The following CEP250 variants were observed in gnomAD, a reference collection of about 807,000 sequenced individuals.
CEP250 encodes the protein centrosome-associated protein CEP250.
CEP250 carries 242 observed loss-of-function variants against 315.7 expected under a neutral mutation model. That is an observed-to-expected ratio of 0.77 (90% CI 0.69 to 0.85). The LOEUF is 0.85. CEP250 is among the 40% of genes least tolerant of loss of function. The pLI is 0.00. For synonymous variants in CEP250, 1,088 were observed against 1,175.0 expected, an observed-to-expected ratio of 0.93 and a Z score of 1.51; for missense variants, 2,515 against 2,886.4, an observed-to-expected ratio of 0.87 and a Z score of 2.95.
intron 13 of CEP250, 130 bp from the exon 14 acceptor site, chr20:35,473,740 G>A: frequency 1.9e-6 from 2 of 1,047,910 alleles, no homozygotes; most frequent in Non-Finnish European, 1.4e-6. Flanking sequence ...TCTTTGTGAT[G>A]ATAAAAAAGT....
chr20:35,511,443 T>C lies in CEP250; in HGVS notation c.7146T>C (p.Arg2382=), dbSNP rs2064356833. ...DYITRSAQTS[R]ELAGLHHSLS... ...TCACCCGCTCAGCACAGACCAGCCGTGAGCTAGCAGGCCTGCACCACAGCC... is the reference window on the plus strand; with the variant it reads ...TCACCCGCTCAGCACAGACCAGCCGCGAGCTAGCAGGCCTGCACCACAGCC... The change falls in exon 35 of 35, where the codon CGT becomes CGC. Residue 2382 remains arginine, a synonymous_variant. Transcript: ENST00000397527. 1 of 1,613,802 alleles carries C rather than the reference T, an allele frequency of 6.2e-7. No individual in the cohort carries two copies. The highest frequency in any genetic ancestry group is 8.5e-7 in the Non-Finnish European group (1 of 1,180,006).
At chr20:35,509,960 A>G (rs1197210688) in intron 33 of CEP250, 38 bp from the exon 34 acceptor site, 1 of 1,593,282 alleles carries the variant, frequency 6.3e-7, no homozygotes, top group South Asian at 1.1e-5. Flanking sequence ...CAGAGTGGGA[A>G]GGCCTATGCC....
In CEP250 at chr20:35,518,970, T is replaced by G. The variant is rs1601340554; in HGVS notation, c.*7344T>G. On this transcript the variant is annotated 3_prime_UTR_variant, in exon 35 of 35. Coordinates refer to ENST00000397527, the MANE Select transcript of CEP250 (RefSeq NM_007186.6). ...ATTGCTTGAACCCAGGAGGCAGAGGTTGCAGTGAGCTGAGATCGCGTCACT... is the reference window on the plus strand; with the variant it reads ...ATTGCTTGAACCCAGGAGGCAGAGGGTGCAGTGAGCTGAGATCGCGTCACT... 6.6e-6 allele frequency: 1 copy of G among 151,536 alleles called. No homozygotes were observed. Among genetic ancestry groups the G allele is most frequent in the Non-Finnish European group, 1.5e-5 (1 of 67,940 alleles). The allele number at this position is 151,536 out of a possible 1,614,324, so 9.4% of individuals were successfully genotyped here.
intron 20 of CEP250, among the ~76,000 whole-genome samples, chr20:35,481,570 A>G (rs1187214186): frequency 6.7e-6 from 1 of 149,184 alleles, no homozygotes; most frequent in Non-Finnish European, 1.5e-5. Context: ...ACGAATTGAT[A>G]CCTTTTCTGT....
At chr20:35,493,719 T>C (rs575551169) in intron 23 of CEP250, 147 bp downstream of exon 23, 71 of 541,700 alleles carry the variant, frequency 1.3e-4, no homozygotes, top group Non-Finnish European at 1.8e-4. Context: ...AGTGGAAAAT[T>C]AGAGGGTGCT....
chr20:35,504,313 C>G lies in CEP250; in HGVS notation c.5944C>G (p.Gln1982Glu). The G allele has an allele frequency of 6.3e-7, 1 of 1,589,572 alleles. No individual in the cohort carries two copies. Among genetic ancestry groups the G allele is most frequent in the Non-Finnish European group, 8.6e-7 (1 of 1,168,284 alleles). Reference protein sequence around the residue: ...KAHAALQGKEQHLLEQAELSR... With the variant: ...KAHAALQGKEEHLLEQAELSR... Reference sequence around the variant, plus strand: ...TCATGCTGCCCTGCAGGGGAAAGAGCAGCATCTCCTCGAGCAGGCAGAATT... The same window carrying G: ...TCATGCTGCCCTGCAGGGGAAAGAGGAGCATCTCCTCGAGCAGGCAGAATT... The change falls in exon 30 of 35, where the codon CAG becomes GAG. Residue 1982 changes from glutamine to glutamate, a missense_variant. Transcript: ENST00000397527.
At position 35,504,053 on chromosome 20, in the gene CEP250, A is replaced by T; in HGVS notation, c.5684A>T (p.Glu1895Val). ...GAGGTGCTGGGAGACCTAAGGGCTG[A>T]GTCTCGGGAACAGGAGAAAGCTCTG... Reference protein sequence around the residue: ...LEEVLGDLRAESREQEKALLA... With the variant: ...LEEVLGDLRAVSREQEKALLA... Residue 1895 changes from glutamate (E) to valine (V), a missense_variant, in exon 30 of 35, where the codon GAG becomes GTG. By Grantham distance (121) the Glu-to-Val change is moderately radical (BLOSUM62 -2). Coordinates refer to ENST00000397527, the MANE Select transcript of CEP250 (RefSeq NM_007186.6). 1 of 1,606,292 alleles carries T rather than the reference A, an allele frequency of 6.2e-7. No homozygotes were observed. The highest frequency in any genetic ancestry group is 8.5e-7 in the Non-Finnish European group (1 of 1,175,612).
chr20:35,473,617 A>G, intron 13 of CEP250, 65 bp downstream of exon 13: 1 of 1,469,688 alleles, frequency 6.8e-7, no homozygotes, highest in Non-Finnish European at 9.1e-7. Flanking sequence ...CCATCCAGCC[A>G]TTTACCCACT....
upstream of CEP250, chr20:35,455,356 G>C (rs543460238): frequency 3.9e-5 from 6 of 152,404 alleles, no homozygotes; most frequent in South Asian, 1.2e-3. Flanking sequence ...CTTGTTACCC[G>C]GGAGGAACCC....
chr20:35,500,637 C>T (rs986844147), intron 28 of CEP250, among the ~76,000 whole-genome samples: 2 of 152,214 alleles, frequency 1.3e-5, no homozygotes, highest in African/African-American at 4.8e-5. Flanking sequence ...GCTTGAACTC[C>T]TGGCCTCAAG....
rs1196298776 is a variant in CEP250 at position 35,517,456 on chromosome 20, C to T, written c.*5830C>T. On this transcript the variant is annotated 3_prime_UTR_variant, in exon 35 of 35. Coordinates refer to ENST00000397527, the MANE Select transcript of CEP250 (RefSeq NM_007186.6). Reference sequence around the variant, plus strand: ...GGAGGCAGGGAGAGAAAAGCAAGAGCTTTTTGGTTCCTCTTGAGGATAGAA... The same window carrying T: ...GGAGGCAGGGAGAGAAAAGCAAGAGTTTTTTGGTTCCTCTTGAGGATAGAA... The T allele has an allele frequency of 6.6e-6, 1 of 152,174 alleles. No homozygotes were observed. The highest frequency in any genetic ancestry group is 1.5e-5 in the Non-Finnish European group (1 of 68,044). The allele number at this position is 152,174 out of a possible 1,614,324, so 9.4% of individuals were successfully genotyped here.
At chr20:35,491,444 T>C (rs1016154061) in intron 22 of CEP250, 98 bp downstream of exon 22, 3 of 1,297,958 alleles carry the variant, frequency 2.3e-6, no homozygotes, top group African/African-American at 2.9e-5. Flanking sequence ...CCAGGCCCTG[T>C]GCTAGGTGCT....
intron 25 of CEP250, 33 bp from the exon 26 acceptor site, chr20:35,497,686 C>G (rs2147105697): frequency 6.8e-7 from 1 of 1,469,070 alleles, no homozygotes; most frequent in East Asian, 2.5e-5. Context: ...TATCCGCTTC[C>G]TGCTTATATT....
intron 20 of CEP250, among the ~76,000 whole-genome samples, chr20:35,488,338 G>A (rs1345416626): frequency 6.6e-6 from 1 of 152,100 alleles, no homozygotes; most frequent in Non-Finnish European, 1.5e-5. Context: ...CGCTGTCTTT[G>A]GCTTTTTGAA....
intron 20 of CEP250, among the ~76,000 whole-genome samples, chr20:35,480,420 G>T (rs2063313522): frequency 6.6e-6 from 1 of 152,000 alleles, no homozygotes; most frequent in African/African-American, 2.4e-5. Flanking sequence ...TATTAAACTG[G>T]CCTCAGGATG....
At chr20:35,498,850 C>A in intron 27 of CEP250, 134 bp downstream of exon 27, 1 of 1,036,650 alleles carries the variant, frequency 9.6e-7, no homozygotes. Flanking sequence ...TCACTTACCA[C>A]CTGGCAACCA....
chr20:35,478,124 A>G (rs1403593925), intron 17 of CEP250, 23 bp downstream of exon 17: 5 of 1,477,628 alleles, frequency 3.4e-6, no homozygotes, highest in Middle Eastern at 1.7e-4. Context: ...AATGGACACC[A>G]TCATGTCTAG....
rs202070155 is a variant in CEP250 at position 35,473,562 on chromosome 20, C to T, written c.1388+10C>T. On this transcript the variant is annotated intron_variant, in intron 13 of 34. Transcript: ENST00000397527. ...TGGACTCTCTCAGCAAGTGAGCAGACGGGCTGTTCATCCCACCCTCCCAGC... is the reference window on the plus strand; with the variant it reads ...TGGACTCTCTCAGCAAGTGAGCAGATGGGCTGTTCATCCCACCCTCCCAGC... 28 of 1,601,142 alleles carry T rather than the reference C, an allele frequency of 1.7e-5. No homozygotes were observed. The highest frequency in any genetic ancestry group is 1.6e-4 in the African/African-American group (12 of 74,660).
In CEP250 at chr20:35,467,291, T is replaced by A; in HGVS notation, c.600-13T>A. ...TCCTAGTGGAGTCTGCTGTTTTCCT[T>A]GCTTGTACTCAGAGATCTGATGGAG... On this transcript the variant is annotated splice_polypyrimidine_tract_variant and intron_variant, in intron 8 of 34. Coordinates refer to ENST00000397527, the MANE Select transcript of CEP250 (RefSeq NM_007186.6). 1 of 1,608,460 alleles carries A rather than the reference T, an allele frequency of 6.2e-7. No individual in the cohort carries two copies. The highest frequency in any genetic ancestry group is 8.5e-7 in the Non-Finnish European group (1 of 1,175,778).
Sources: gnomAD v4.1 joint callset for allele counts (sites outside exome capture counted in the v4.1 genomes callset) on GRCh38, gnomAD v4.1.1 for gene constraint, MANE v1.5 for transcripts, NCBI Gene and HGNC (gene_info 2026-07-23, HGNC 2026-07-21) for gene names.